Variants in ACP6 observed in about 807,000 individuals in gnomAD.
ACP6 encodes the protein lysophosphatidic acid phosphatase type 6.
A neutral mutation model predicts 48.1 loss-of-function variants in ACP6; 48 were observed. The observed-to-expected ratio is 1.00, with a 90% CI of 0.79 to 1.27. ACP6 has a LOEUF of 1.27. Among genes scored for constraint, ACP6 ranks in the 50% most tolerant of loss-of-function variants. The pLI, the probability that ACP6 is intolerant of heterozygous loss-of-function variation, is 0.00. For synonymous variants in ACP6, 172 were observed against 204.2 expected (o/e 0.84, Z 1.34); for missense variants, 485 against 529.1 (o/e 0.92, Z 0.82).
chr1:147,652,934 T>C (rs1481930371), intron 6 of ACP6, among the ~76,000 whole-genome samples: 1 of 152,238 alleles, frequency 6.6e-6, no homozygotes, highest in African/African-American at 2.4e-5. Context: ...TCACGCCATT[T>C]TCCTGTCTCA....
intron 3 of ACP6, 115 bp downstream of exon 3, chr1:147,659,281 A>G: frequency 7.1e-7 from 1 of 1,417,962 alleles, no homozygotes; most frequent in African/African-American, 1.4e-5. Flanking sequence ...CAGCATGACA[A>G]GTTGTCCCCC....
intron 1 of ACP6, among the ~76,000 whole-genome samples, chr1:147,662,978 C>T (rs1045161016): frequency 9.9e-5 from 15 of 152,192 alleles, no homozygotes; most frequent in African/African-American, 3.6e-4. Context: ...CAAGACCCTC[C>T]ACTGGCAAAA....
At chr1:147,639,224 C>T (rs1553208362), downstream of ACP6, among the ~76,000 whole-genome samples, 1 of 152,208 alleles carries the variant, frequency 6.6e-6, no homozygotes, top group East Asian at 1.9e-4. Flanking sequence ...GCCACAGGCT[C>T]TCTGATCTTC....
intron 4 of ACP6, among the ~76,000 whole-genome samples, chr1:147,656,564 A>G (rs1168928973): frequency 2.0e-5 from 3 of 152,238 alleles, no homozygotes; most frequent in African/African-American, 7.2e-5. Flanking sequence ...AAAAGGAAAA[A>G]GTAGGATTCT....
Position 147,655,259 on chromosome 1 carries a change from G to A in ACP6, c.560-11C>T, listed in dbSNP as rs375087381. 66 of 1,590,970 alleles carry A rather than the reference G, an allele frequency of 4.1e-5. No individual in the cohort carries two copies. The highest frequency in any genetic ancestry group is 5.3e-5 in the Non-Finnish European group (62 of 1,166,000). ...GGATGATGATGGGTCCTGGAAGAAAGGGAGGAAGCACAGGCAGGCAGAGGC... is the reference window on the plus strand; with the variant it reads ...GGATGATGATGGGTCCTGGAAGAAAAGGAGGAAGCACAGGCAGGCAGAGGC... On this transcript the variant is annotated splice_polypyrimidine_tract_variant and intron_variant, in intron 4 of 9. Coordinates refer to ENST00000583509, the MANE Select transcript of ACP6 (RefSeq NM_016361.5).
intron 7 of ACP6, 51 bp downstream of exon 7, chr1:147,652,398 C>T (rs782369925): frequency 3.9e-6 from 6 of 1,557,556 alleles, no homozygotes; most frequent in Non-Finnish European, 5.2e-6. Context: ...TCCCCATACA[C>T]TTGGATGTCT....
chr1:147,668,867 A>G (rs996002017), intron 1 of ACP6, among the ~76,000 whole-genome samples: 3 of 152,210 alleles, frequency 2.0e-5, no homozygotes, highest in Non-Finnish European at 4.4e-5. Context: ...TGTACAATGT[A>G]AAGACACAAT....
At chr1:147,669,104 A>C (rs923585025) in intron 1 of ACP6, among the ~76,000 whole-genome samples, 3 of 151,950 alleles carry the variant, frequency 2.0e-5, no homozygotes, top group Non-Finnish European at 2.9e-5. Flanking sequence ...TTTTTTTTAA[A>C]CTATTTGTGC....
chr1:147,640,865 T>A (rs144104475), downstream of ACP6, among the ~76,000 whole-genome samples: 106 of 152,070 alleles, frequency 7.0e-4, 1 homozygote, highest in African/African-American at 2.4e-3. Context: ...TAGACAGGGG[T>A]CAGGTTTCTA....
chr1:147,668,182 A>G (rs1660898823), intron 1 of ACP6, among the ~76,000 whole-genome samples: 1 of 152,180 alleles, frequency 6.6e-6, no homozygotes, highest in African/African-American at 2.4e-5. Context: ...GCATCTGTCT[A>G]AAGTCTGGAG....
rs1553214439 is a variant in ACP6, at chr1:147,670,029, C to G, written c.20G>C (p.Ser7Thr). ...GCCCACTGGGGTCCACAAGCGCATGCTGAACACACCAGTGATCATGGTGGT... is the reference window on the plus strand; with the variant it reads ...GCCCACTGGGGTCCACAAGCGCATGGTGAACACACCAGTGATCATGGTGGT... MITGVFSMRLWTPVGVL... is the reference protein window; with the variant it reads MITGVFTMRLWTPVGVL... The change falls in exon 1 of 10, where the codon AGC (serine) becomes ACC (threonine). Residue 7 changes from serine (S) to threonine (T), a missense_variant. Coordinates refer to ENST00000583509, the MANE Select transcript of ACP6 (RefSeq NM_016361.5). 3 of 1,535,646 alleles carry G rather than the reference C, an allele frequency of 2.0e-6. No individual in the cohort carries two copies. The Admixed American group carries it at 5.9e-5, about 30-fold the overall frequency.
At chr1:147,641,579 G>C (rs1659454390), downstream of ACP6, among the ~76,000 whole-genome samples, 1 of 152,196 alleles carries the variant, frequency 6.6e-6, no homozygotes, top group Non-Finnish European at 1.5e-5. Context: ...AGAGCCTCCT[G>C]TGGGAATTCT....
At chr1:147,669,240 A>G (rs1660952295) in intron 1 of ACP6, among the ~76,000 whole-genome samples, 1 of 147,614 alleles carries the variant, frequency 6.8e-6, no homozygotes, top group Admixed American at 6.9e-5. Flanking sequence ...CTTAAATAGA[A>G]AAGGAGAACC....
chr1:147,661,816 G>C (rs797039517), intron 1 of ACP6, among the ~76,000 whole-genome samples: 1 of 152,194 alleles, frequency 6.6e-6, no homozygotes. Flanking sequence ...TGATAACATG[G>C]AGATATTCAA....
chr1:147,638,005 G>C (rs587759409), downstream of ACP6, among the ~76,000 whole-genome samples: 16 of 152,272 alleles, frequency 1.1e-4, no homozygotes, highest in South Asian at 1.7e-3. Context: ...ACACTTCCCT[G>C]AAGAACAGCT....
intron 7 of ACP6, chr1:147,651,498 A>G (rs1186279607): frequency 6.6e-6 from 1 of 152,012 alleles, no homozygotes; most frequent in Non-Finnish European, 1.5e-5. Context: ...TTTACTAAAT[A>G]TGTGTGTGTG....
At position 147,652,643 on chromosome 1, in the gene ACP6, T is replaced by C. The variant is rs587736490; in HGVS notation, c.781-94A>G. 145 of 1,606,814 alleles carry C rather than the reference T, an allele frequency of 9.0e-5. 2 individuals are homozygous for C. The South Asian group carries it at 1.5e-3, about 17-fold the overall frequency. ...TCCATGGAACCTGCAGGAGCCCATC[T>C]TCTCCTGGGGAAGAGAAGACAGGCT... On this transcript the variant is annotated intron_variant, in intron 6 of 9. Coordinates refer to ENST00000583509, the MANE Select transcript of ACP6 (RefSeq NM_016361.5).
Position 147,652,707 on chromosome 1 carries a change from G to A in ACP6, c.781-158C>T, listed in dbSNP as rs1553210806. 3.4e-6 allele frequency: 5 copies of A among 1,486,460 alleles called. No homozygotes were observed. The East Asian group carries it at 6.8e-5, about 20-fold the overall frequency. 92.1% of individuals were successfully genotyped at this position (1,486,460 alleles called of 1,614,324 possible). The stretch of plus-strand genomic sequence containing the variant: ...GTCTGTTAACAGGTCAAGAAGCTAT[G>A]TCTCTAAAGCTCTTCCAAAGCTATT... On this transcript the variant is annotated intron_variant, in intron 6 of 9. Transcript: ENST00000583509.
chr1:147,634,399 C>G (rs1184184274), intron 5 of ACP6, among the ~76,000 whole-genome samples: 1 of 150,694 alleles, frequency 6.6e-6, no homozygotes, highest in Admixed American at 6.6e-5. Context: ...CATGGGGTGC[C>G]TTTTCACTCT....
Sources: allele counts gnomAD v4.1 joint callset (sites outside exome capture counted in the v4.1 genomes callset), GRCh38; gene constraint gnomAD v4.1.1; transcripts MANE v1.5; gene names NCBI Gene and HGNC (gene_info 2026-07-23, HGNC 2026-07-21).